OR2L13: variants seen among roughly 807,000 people sequenced by gnomAD.
OR2L13 encodes olfactory receptor family 2 subfamily L member 13.
OR2L13 carries 14 observed loss-of-function variants against 15.3 expected under a neutral mutation model. That is an observed-to-expected ratio of 0.91 (90% CI 0.60 to 1.43). The LOEUF is 1.43. Ranked by LOEUF, OR2L13 falls within the 40% of genes most tolerant of loss-of-function variation. The pLI is 0.00. For missense variants in OR2L13, 367 were observed against 387.9 expected, an observed-to-expected ratio of 0.95 and a Z score of 0.45; for synonymous variants, 152 against 142.9, an observed-to-expected ratio of 1.06 and a Z score of -0.45.
chr1:248,075,650 T>C, the OR2L13 span, among the ~76,000 whole-genome samples: 2 of 152,344 alleles, frequency 1.3e-5, no homozygotes, highest in East Asian at 3.9e-4. Flanking sequence ...ATAGATGTCT[T>C]CTTTTGAGAA....
exon 1 of OR2L13, chr1:248,097,284 A>T (rs1664760308): frequency 1.3e-5 from 2 of 152,192 alleles, no homozygotes; most frequent in Admixed American, 1.3e-4. Flanking sequence ...GTCAACAAGG[A>T]TGGCCAAGGC....
the OR2L13 span, chr1:247,975,528 G>C: frequency 9.0e-7 from 1 of 1,106,056 alleles, no homozygotes; most frequent in Non-Finnish European, 1.4e-6. Context: ...CTCCAACAGA[G>C]GACAAGGTTC....
the OR2L13 span, among the ~76,000 whole-genome samples, chr1:247,995,641 T>C: frequency 2.0e-5 from 3 of 152,260 alleles, no homozygotes; most frequent in African/African-American, 7.2e-5. Flanking sequence ...TACATATGTC[T>C]ATTTATGAAG....
At chr1:248,080,462 G>A in the OR2L13 span, among the ~76,000 whole-genome samples, 1 of 152,064 alleles carries the variant, frequency 6.6e-6, no homozygotes. Context: ...GGTGTGTGAT[G>A]TTCCCCTCCA....
chr1:248,042,555 AAAAC>A, the OR2L13 span, among the ~76,000 whole-genome samples: 874 of 152,244 alleles, frequency 5.7e-3, 9 homozygotes, highest in African/African-American at 0.02. Context: ...ACAAAAAACA[AAAAC>A]AAACAAGCAA....
chr1:248,037,754 C>T, the OR2L13 span, among the ~76,000 whole-genome samples: 547 of 152,236 alleles, frequency 3.6e-3, 2 homozygotes, highest in African/African-American at 0.013. Context: ...TTTTGCTTTC[C>T]GTGGTTTCTC....
the OR2L13 span, among the ~76,000 whole-genome samples, chr1:247,959,881 G>A: frequency 6.6e-6 from 1 of 152,082 alleles, no homozygotes; most frequent in Non-Finnish European, 1.5e-5. Context: ...TTTGCAATGG[G>A]TTCGAACTTC....
chr1:248,055,232 G>A, the OR2L13 span, among the ~76,000 whole-genome samples: 2 of 152,084 alleles, frequency 1.3e-5, no homozygotes, highest in African/African-American at 4.8e-5. Flanking sequence ...TTTATGTGAT[G>A]GATTACATTC....
chr1:248,003,373 A>G, the OR2L13 span: 4 of 1,608,800 alleles, frequency 2.5e-6, no homozygotes, highest in Middle Eastern at 5.0e-4. Flanking sequence ...CTAAGATGGC[A>G]TCTGATTTTC....
the OR2L13 span, chr1:248,022,467 A>C: frequency 1.2e-6 from 2 of 1,614,062 alleles, no homozygotes; most frequent in Non-Finnish European, 1.7e-6. Context: ...CAGAGCCATC[A>C]ATCATTTTTT....
chr1:248,003,692 T>C, the OR2L13 span: 4 of 1,612,904 alleles, frequency 2.5e-6, no homozygotes, highest in Non-Finnish European at 2.5e-6. Context: ...GACTCTGGCC[T>C]GCATGGACAC....
the OR2L13 span, among the ~76,000 whole-genome samples, chr1:247,947,959 C>T: frequency 2.0e-5 from 3 of 152,148 alleles, no homozygotes; most frequent in Admixed American, 1.3e-4. Flanking sequence ...CTGTTGCCTG[C>T]AATCACAGCA....
chr1:248,093,037 G>A (rs190413234), upstream of OR2L13, among the ~76,000 whole-genome samples: 48 of 152,242 alleles, frequency 3.2e-4, no homozygotes, highest in East Asian at 8.3e-3. Flanking sequence ...GCAGGAGCAC[G>A]GTCATTTCAT....
chr1:247,955,350 G>T, the OR2L13 span, among the ~76,000 whole-genome samples: 1 of 151,502 alleles, frequency 6.6e-6, no homozygotes, highest in Non-Finnish European at 1.5e-5. Flanking sequence ...GTCTATCATT[G>T]TTGGACATTT....
the OR2L13 span, among the ~76,000 whole-genome samples, chr1:248,018,028 C>G: frequency 0.032 from 4,881 of 151,582 alleles, 227 homozygotes; most frequent in African/African-American, 0.11. Flanking sequence ...GGTGGTGGGC[C>G]CCTGTAATCC....
the OR2L13 span, among the ~76,000 whole-genome samples, chr1:247,968,369 A>C: frequency 6.6e-6 from 1 of 152,082 alleles, no homozygotes; most frequent in African/African-American, 2.4e-5. Context: ...GTATACTTTA[A>C]GTTCTAGGGT....
chr1:248,017,515 TAGAA>T, the OR2L13 span, among the ~76,000 whole-genome samples: 1 of 152,190 alleles, frequency 6.6e-6, no homozygotes, highest in Non-Finnish European at 1.5e-5. Context: ...CAAGGTCTGG[TAGAA>T]AGAGACTTTT....
chr1:248,079,249 A>T, the OR2L13 span, among the ~76,000 whole-genome samples: 3 of 70,690 alleles, frequency 4.2e-5, no homozygotes, highest in East Asian at 1.6e-3. Context: ...GGTGAAGGGT[A>T]TACAGAAATT....
the OR2L13 span, among the ~76,000 whole-genome samples, chr1:248,024,999 G>T: frequency 2.0e-5 from 3 of 152,102 alleles, no homozygotes; most frequent in African/African-American, 4.8e-5. Flanking sequence ...ACCTTTTGCA[G>T]TATGGCCATT....
Sources: allele counts gnomAD v4.1 joint callset (sites outside exome capture counted in the v4.1 genomes callset), GRCh38; gene constraint gnomAD v4.1.1; transcripts MANE v1.5; gene names NCBI Gene and HGNC (gene_info 2026-07-23, HGNC 2026-07-21).